Variants in RNF10 observed in about 807,000 individuals in gnomAD.
RNF10 encodes the protein E3 ubiquitin-protein ligase RNF10.
A neutral mutation model predicts 91.4 loss-of-function variants in RNF10; 38 were observed. The observed-to-expected ratio is 0.42, with a 90% confidence interval of 0.32 to 0.54. RNF10 has a LOEUF of 0.54. RNF10 is among the 20% of genes least tolerant of loss of function. RNF10 has a pLI of 0.16. For missense variants in RNF10, 945 were observed against 1,012.0 expected, an observed-to-expected ratio of 0.93 and a Z score of 0.90; for synonymous variants, 364 against 366.3, an observed-to-expected ratio of 0.99 and a Z score of 0.07.
Position 120,575,698 on chromosome 12 carries a change from G to GT in RNF10, c.2200+11dup. 6.2e-7 allele frequency: 1 copy of GT among 1,614,222 alleles called. No homozygotes were observed. The highest frequency in any genetic ancestry group is 8.5e-7 in the Non-Finnish European group (1 of 1,180,034). On this transcript the variant is annotated intron_variant, in intron 15 of 16. Coordinates refer to ENST00000325954, the MANE Select transcript of RNF10 (RefSeq NM_014868.5). ...ACTGCTCCAAAGAAAGGTGAGGATG[G>GT]TCCACTGGTGAAGGGGGAGTTTGGC...
chr12:120,569,480 A>C (rs1876269921), intron 13 of RNF10, among the ~76,000 whole-genome samples: 1 of 151,976 alleles, frequency 6.6e-6, no homozygotes, highest in South Asian at 2.1e-4. Flanking sequence ...GCTTAACTGA[A>C]AAAGGAGCAT....
At chr12:120,570,205 A>G (rs1346955139) in intron 13 of RNF10, 1 of 80,888 alleles carries the variant, frequency 1.2e-5, no homozygotes, top group Non-Finnish European at 2.7e-5. Flanking sequence ...TTTTTTTTTT[A>G]AGATGGAGTT....
intron 3 of RNF10, among the ~76,000 whole-genome samples, chr12:120,553,133 G>C (rs1483172993): frequency 1.6e-5 from 2 of 122,390 alleles, no homozygotes; most frequent in East Asian, 5.3e-4. Context: ...ACCCAGGCTA[G>C]AGTGCGGTGG....
At position 120,563,872 on chromosome 12, in the gene RNF10, G is replaced by A. The variant is rs770358034; in HGVS notation, c.1594G>A (p.Gly532Ser). ...VNVRCLVREY[G>S]SLERSPEKIS... ...TGTGCGCTGCCTCGTGCGGGAGTAC[G>A]GCAGCCTGGAGAGGAGCCCCGAGAA... Residue 532 changes from glycine to serine, a missense_variant, in exon 10 of 17, where the codon GGC becomes AGC. Physicochemically the swap from Gly to Ser is moderately conservative, Grantham distance 56. Coordinates refer to ENST00000325954, the MANE Select transcript of RNF10 (RefSeq NM_014868.5). 20 of 1,614,020 alleles carry A rather than the reference G, an allele frequency of 1.2e-5. No individual in the cohort carries two copies. The highest frequency in any genetic ancestry group is 1.7e-5 in the Admixed American group (1 of 59,990).
intron 14 of RNF10, among the ~76,000 whole-genome samples, chr12:120,572,420 T>A (rs188661169): frequency 3.3e-5 from 5 of 151,870 alleles, no homozygotes; most frequent in Non-Finnish European, 5.9e-5. Flanking sequence ...ATTACAGCAG[T>A]TTGTACTGAG....
intron 1 of RNF10, among the ~76,000 whole-genome samples, chr12:120,540,301 C>G (rs373432892): frequency 6.6e-6 from 1 of 151,914 alleles, no homozygotes; most frequent in African/African-American, 2.4e-5. Flanking sequence ...ACCCGTGGGT[C>G]CTGGGCATTC....
Position 120,566,893 on chromosome 12 carries a change from T to A in RNF10, c.1954T>A (p.Ser652Thr). The A allele has an allele frequency of 1.2e-6, 2 of 1,614,038 alleles. No homozygotes were observed. Among genetic ancestry groups the A allele is most frequent in the Non-Finnish European group, 1.7e-6 (2 of 1,179,946 alleles). Residue 652 changes from serine to threonine, a missense_variant, in exon 13 of 17, where the codon TCT becomes ACT. Physicochemically the swap from Ser to Thr is moderately conservative, Grantham distance 58 (BLOSUM62 1). Coordinates refer to ENST00000325954, the MANE Select transcript of RNF10 (RefSeq NM_014868.5). ...FPAFNSYTCS[S>T]DSALGPTSTE... Reference sequence around the variant, plus strand: ...TGCCTTCAATTCTTATACCTGCTCCTCTGATTCTGCTTTGGGTCCCACCAG... The same window carrying A: ...TGCCTTCAATTCTTATACCTGCTCCACTGATTCTGCTTTGGGTCCCACCAG...
intron 8 of RNF10, 46 bp downstream of exon 8, chr12:120,563,116 G>A (rs759218471): frequency 1.2e-6 from 2 of 1,612,988 alleles, no homozygotes; most frequent in Admixed American, 1.7e-5. Flanking sequence ...CTCAAATGCT[G>A]TCATTGAGCT....
rs1306645847 is a variant in RNF10, at chr12:120,567,716, AAAT to A, written c.2041+737_2041+739del. On this transcript the variant is annotated intron_variant, in intron 13 of 16. Transcript: ENST00000325954. Reference sequence around the variant, plus strand: ...ACTTTGTCTCAAAAAAAAAAAAAAAAAATCACACCTGTTAAAGAAGGGAATGTA... The same window carrying A: ...ACTTTGTCTCAAAAAAAAAAAAAAAACACACCTGTTAAAGAAGGGAATGTA... Among the ~76,000 whole-genome samples, 13 of 152,080 alleles carry A rather than the reference AAAT, an allele frequency of 8.5e-5. No individual in the cohort carries two copies. In the East Asian group the frequency reaches 2.3e-3, roughly 27 times the overall value.
chr12:120,557,085 C>CAA lies in RNF10; in HGVS notation c.646-182_646-181dup, dbSNP rs36018229. ...CGTGAACCAAGGAGATGGACCGTCT[C>CAA]AAAAAAAAAAAAAAAAGAAAAAAAT... is the stretch of plus-strand genomic sequence containing the variant. On this transcript the variant is annotated intron_variant, in intron 4 of 16. Transcript: ENST00000325954. 5.6e-3 allele frequency among the ~76,000 whole-genome samples: 625 copies of CAA among 111,126 alleles called. 3 individuals carry two copies. The highest frequency in any genetic ancestry group is 7.3e-3 in the Non-Finnish European group (404 of 55,272). The allele number at this position is 111,126 out of a possible 152,430, so 72.9% of individuals were successfully genotyped here. A position where few individuals can be genotyped will look rare whatever the true frequency, so the allele number is the denominator to read the frequency against.
intron 7 of RNF10, among the ~76,000 whole-genome samples, chr12:120,561,269 A>T (rs1874803756): frequency 6.6e-6 from 1 of 152,206 alleles, no homozygotes; most frequent in African/African-American, 2.4e-5. Flanking sequence ...GTTTTGAAAG[A>T]CATTGTGGAG....
chr12:120,561,579 T>A (rs1379335375), intron 7 of RNF10, among the ~76,000 whole-genome samples: 1 of 152,182 alleles, frequency 6.6e-6, no homozygotes, highest in Non-Finnish European at 1.5e-5. Flanking sequence ...TGATCAGCAT[T>A]TGATAGGACT....
chr12:120,566,838 C>T lies in RNF10; in HGVS notation c.1899C>T (p.His633=), dbSNP rs930172178. The T allele has an allele frequency of 2.5e-6, 4 of 1,613,280 alleles. No homozygotes were observed. Among genetic ancestry groups the T allele is most frequent in the Admixed American group, 3.3e-5 (2 of 59,856 alleles). ...TTTCCTTTGCAGACCCAGAAGTCCACATTCCCCTCGAGAATCTACAGCAGT... is the reference window on the plus strand; with the variant it reads ...TTTCCTTTGCAGACCCAGAAGTCCATATTCCCCTCGAGAATCTACAGCAGT... The part of the protein sequence containing the change: ...NKKQGKYPEV[H]IPLENLQQFP... Residue 633 remains histidine (H), a synonymous_variant, in exon 13 of 17, where the codon CAC becomes CAT. Transcript: ENST00000325954.
intron 14 of RNF10, among the ~76,000 whole-genome samples, chr12:120,574,143 A>G (rs986003945): frequency 6.6e-5 from 10 of 152,226 alleles, no homozygotes; most frequent in Admixed American, 2.6e-4. Flanking sequence ...AAACTCCTAG[A>G]GACAAAGGGA....
Position 120,577,024 on chromosome 12 carries a change from A to G in RNF10, c.*358A>G, listed in dbSNP as rs1877484046. On this transcript the variant is annotated 3_prime_UTR_variant, in exon 17 of 17. Transcript: ENST00000325954. Reference sequence around the variant, plus strand: ...AGCAGTCCAACCCAGAATGGCACACACTGCTCTGCTGTAGCATCATGTCAG... The same window carrying G: ...AGCAGTCCAACCCAGAATGGCACACGCTGCTCTGCTGTAGCATCATGTCAG... The G allele has an allele frequency of 8.0e-6, 3 of 372,828 alleles. No homozygotes were observed. The highest frequency in any genetic ancestry group is 1.5e-5 in the Non-Finnish European group (3 of 193,820). The allele number at this position is 372,828 out of a possible 1,614,324, so 23.1% of individuals were successfully genotyped here.
intron 13 of RNF10, 124 bp from the exon 14 acceptor site, chr12:120,571,067 C>CTTT: frequency 2.6e-5 from 14 of 529,680 alleles, no homozygotes; most frequent in Admixed American, 6.6e-5. Flanking sequence ...TCAATGTTTG[C>CTTT]TTTTTTTTTT....
intron 14 of RNF10, among the ~76,000 whole-genome samples, chr12:120,573,979 A>G (rs574691508): frequency 5.3e-5 from 8 of 152,306 alleles, no homozygotes; most frequent in African/African-American, 1.9e-4. Context: ...ATGCGAGAAT[A>G]GGTCTCCCAT....
intron 10 of RNF10, 88 bp downstream of exon 10, chr12:120,564,031 C>T (rs1296281647): frequency 2.4e-5 from 34 of 1,425,786 alleles, no homozygotes; most frequent in East Asian, 4.6e-5. Flanking sequence ...AGTTCACAAA[C>T]CTTCAAGGCC....
chr12:120,537,343 T>G (rs1441000979), intron 1 of RNF10, among the ~76,000 whole-genome samples: 1 of 152,010 alleles, frequency 6.6e-6, no homozygotes, highest in Non-Finnish European at 1.5e-5. Flanking sequence ...AAAACTCATG[T>G]AGGCCGGGTG....
Sources: gnomAD v4.1 joint callset for allele counts (sites outside exome capture counted in the v4.1 genomes callset) on GRCh38, gnomAD v4.1.1 for gene constraint, MANE v1.5 for transcripts, NCBI Gene and HGNC (gene_info 2026-07-23, HGNC 2026-07-21) for gene names.